CACNA2D3: variants seen among roughly 807,000 people sequenced by gnomAD.
CACNA2D3 encodes the protein voltage-dependent calcium channel subunit alpha-2/delta-3.
A neutral mutation model predicts 160.6 loss-of-function variants in CACNA2D3; 60 were observed. The observed-to-expected ratio is 0.37, with a 90% CI of 0.30 to 0.46. The LOEUF (loss-of-function observed/expected upper bound fraction) is 0.46. Ranked by LOEUF, CACNA2D3 falls within the 20% of genes least tolerant of loss-of-function variation. The pLI, the probability that CACNA2D3 is intolerant of heterozygous loss-of-function variation, is 1.00. For missense variants in CACNA2D3, 1,205 were observed against 1,365.0 expected (o/e 0.88, Z 1.85); for synonymous variants, 558 against 492.9 (o/e 1.13, Z -1.75).
At chr3:54,247,996 C>T (rs141127869) in intron 2 of CACNA2D3, among the ~76,000 whole-genome samples, 360 of 152,222 alleles carry the variant, frequency 2.4e-3, no homozygotes, top group South Asian at 4.8e-3. Context: ...CCTTATGTAA[C>T]AATAGTTTTC....
intron 9 of CACNA2D3, among the ~76,000 whole-genome samples, chr3:54,624,482 C>A (rs953695576): frequency 6.6e-6 from 1 of 152,058 alleles, no homozygotes; most frequent in African/African-American, 2.4e-5. Flanking sequence ...ATTAGCCAGG[C>A]GTGGTGGCGG....
intron 11 of CACNA2D3, among the ~76,000 whole-genome samples, chr3:54,659,487 C>T (rs925776534): frequency 1.3e-5 from 2 of 152,208 alleles, no homozygotes. Flanking sequence ...CACCTGATCC[C>T]CAGTTCCTCC....
At chr3:54,637,136 G>T (rs1473836800) in intron 10 of CACNA2D3, among the ~76,000 whole-genome samples, 1 of 151,968 alleles carries the variant, frequency 6.6e-6, no homozygotes, top group East Asian at 1.9e-4. Flanking sequence ...TAAAATGGGG[G>T]AATTGTAAGG....
chr3:55,071,716 T>TGAAAA (rs1220084084), intron 35 of CACNA2D3, among the ~76,000 whole-genome samples: 3 of 152,206 alleles, frequency 2.0e-5, no homozygotes, highest in Non-Finnish European at 4.4e-5. Flanking sequence ...GCTCACTCAT[T>TGAAAA]GAAAAGAATT....
At chr3:54,939,178 C>G (rs1701398595) in intron 27 of CACNA2D3, among the ~76,000 whole-genome samples, 1 of 152,198 alleles carries the variant, frequency 6.6e-6, no homozygotes, top group Admixed American at 6.5e-5. Flanking sequence ...CTCTTACAAC[C>G]TTCCAGAAGT....
chr3:55,010,789 T>A (rs1430744183), intron 34 of CACNA2D3, among the ~76,000 whole-genome samples: 1 of 152,228 alleles, frequency 6.6e-6, no homozygotes, highest in East Asian at 1.9e-4. Flanking sequence ...TCAGGCAGAA[T>A]GAACATTTTC....
At chr3:54,720,262 C>T (rs780154787) in intron 11 of CACNA2D3, among the ~76,000 whole-genome samples, 28 of 151,832 alleles carry the variant, frequency 1.8e-4, no homozygotes, top group Non-Finnish European at 4.0e-4. Context: ...TTTACAGATA[C>T]CAACTTCCCT....
chr3:54,775,267 A>G (rs949452670), intron 13 of CACNA2D3, among the ~76,000 whole-genome samples: 4 of 152,152 alleles, frequency 2.6e-5, no homozygotes, highest in Admixed American at 6.5e-5. Context: ...TCCGAAACCA[A>G]TCCACGCCTA....
At position 54,639,092 on chromosome 3, in the gene CACNA2D3, C is replaced by T. The variant is rs972265197; in HGVS notation, c.1054-3036C>T. ...GGGGCGCAGAGATAAGAGATTGGGG[C>T]GTGGAAATAAGGGATTGGGGCACAG... On this transcript the variant is annotated intron_variant, in intron 10 of 37. Coordinates refer to ENST00000474759, the MANE Select transcript of CACNA2D3 (RefSeq NM_018398.3). The T allele has an allele frequency of 1.1e-4, 17 of 151,032 alleles. 1 individual carries two copies. Among genetic ancestry groups the T allele is most frequent in the Admixed American group, 5.9e-4 (9 of 15,156 alleles). The allele number at this position is 151,032 out of a possible 1,614,324, so 9.4% of individuals were successfully genotyped here. A position where few individuals can be genotyped will look rare whatever the true frequency, so the allele number is the denominator to read the frequency against.
intron 11 of CACNA2D3, among the ~76,000 whole-genome samples, chr3:54,655,854 T>C (rs1559540802): frequency 6.6e-6 from 1 of 152,224 alleles, no homozygotes; most frequent in Non-Finnish European, 1.5e-5. Context: ...GTCCATTTTC[T>C]AGAGTAGTGG....
chr3:54,618,374 T>TATATATATATATTCAC, intron 9 of CACNA2D3, among the ~76,000 whole-genome samples: 1 of 54,580 alleles, frequency 1.8e-5, no homozygotes, highest in Non-Finnish European at 3.1e-5. Flanking sequence ...TATATATATA[T>TATATATATATATTCAC]GCACACACAC....
chr3:54,380,678 A>G (rs538949772), intron 3 of CACNA2D3, among the ~76,000 whole-genome samples: 1 of 152,316 alleles, frequency 6.6e-6, no homozygotes, highest in South Asian at 2.1e-4. Context: ...GGGAGCTTGC[A>G]GTGAGCCGAG....
intron 11 of CACNA2D3, among the ~76,000 whole-genome samples, chr3:54,742,674 T>C (rs1383306978): frequency 6.6e-6 from 1 of 152,036 alleles, no homozygotes; most frequent in East Asian, 1.9e-4. Flanking sequence ...ACCATCACAT[T>C]GCTATTTTAA....
Position 54,932,858 on chromosome 3 carries a change from G to A in CACNA2D3, c.2449+32990G>A, listed in dbSNP as rs139265921. 6.6e-5 allele frequency among the ~76,000 whole-genome samples: 10 copies of A among 152,294 alleles called. No individual in the cohort carries two copies. In the East Asian group the frequency reaches 1.5e-3, roughly 24 times the overall value. On this transcript the variant is annotated intron_variant, in intron 27 of 37. Transcript: ENST00000474759. The stretch of plus-strand genomic sequence containing the variant: ...GTGACAGCTGCAGCCAGGAATAGTG[G>A]GGAGTAGGCCCTTGGCACCACAAAT...
chr3:54,194,186 A>G (rs1442143803), intron 2 of CACNA2D3, among the ~76,000 whole-genome samples: 1 of 152,170 alleles, frequency 6.6e-6, no homozygotes, highest in East Asian at 1.9e-4. Context: ...GTTAGCAACA[A>G]TGTGTTGTAT....
intron 4 of CACNA2D3, among the ~76,000 whole-genome samples, chr3:54,413,793 CTGAT>C (rs1699710629): frequency 6.6e-6 from 1 of 151,170 alleles, no homozygotes; most frequent in African/African-American, 2.4e-5. Context: ...CATCTATACA[CTGAT>C]TATGTTTTTT....
chr3:55,036,536 T>C (rs1018205037), intron 35 of CACNA2D3, among the ~76,000 whole-genome samples: 1 of 151,980 alleles, frequency 6.6e-6, no homozygotes, highest in African/African-American at 2.4e-5. Flanking sequence ...GGCGCGATCT[T>C]GGCTCACTGC....
intron 11 of CACNA2D3, among the ~76,000 whole-genome samples, chr3:54,703,454 A>G (rs1013470370): frequency 1.3e-5 from 2 of 152,128 alleles, no homozygotes; most frequent in African/African-American, 2.4e-5. Flanking sequence ...AAGGATAACT[A>G]GTGTCCCTAC....
chr3:54,458,055 G>A (rs891898954), intron 4 of CACNA2D3, among the ~76,000 whole-genome samples: 1 of 151,888 alleles, frequency 6.6e-6, no homozygotes, highest in African/African-American at 2.4e-5. Context: ...TCTTTTAACT[G>A]GGAAATTTAA....
Sources: allele counts gnomAD v4.1 joint callset (sites outside exome capture counted in the v4.1 genomes callset), GRCh38; gene constraint gnomAD v4.1.1; transcripts MANE v1.5; gene names NCBI Gene and HGNC (gene_info 2026-07-23, HGNC 2026-07-21).